SUSD2: variants seen among roughly 807,000 people sequenced by gnomAD.
SUSD2 encodes sushi domain-containing protein 2.
SUSD2 carries 86 observed loss-of-function variants against 93.8 expected under a neutral mutation model. The ratio of observed to expected loss-of-function variants is 0.92; its 90% CI spans 0.77 to 1.10. The LOEUF is 1.10. SUSD2 is among the 50% of genes least tolerant of loss of function. The pLI is 0.00. For synonymous variants in SUSD2, 483 were observed against 485.0 expected (o/e 1.00, Z 0.05); for missense variants, 1,060 against 1,137.0 (o/e 0.93, Z 0.97).
chr22:24,182,886 G>A, intron 1 of SUSD2, 171 bp from the exon 2 acceptor site: 1 of 605,492 alleles, frequency 1.7e-6, no homozygotes, highest in South Asian at 2.0e-5. Flanking sequence ...CATCCCCACG[G>A]GCCCTGTGGC....
At chr22:24,186,996 C>T (rs1056650208) in intron 10 of SUSD2, 3 of 632,968 alleles carry the variant, frequency 4.7e-6, no homozygotes, top group South Asian at 1.9e-5. Flanking sequence ...AGGGGCTGCA[C>T]CTCAGGTGCC....
At chr22:24,182,191 T>G (rs1601337817) in intron 1 of SUSD2, among the ~76,000 whole-genome samples, 1 of 152,178 alleles carries the variant, frequency 6.6e-6, no homozygotes, top group African/African-American at 2.4e-5. Context: ...ACTGGCCTCT[T>G]TTGATGGGGG....
Position 24,185,737 on chromosome 22 carries a change from G to C in SUSD2, c.1147G>C (p.Gly383Arg). The change falls in exon 8 of 15, where the codon GGC becomes CGC. Residue 383 changes from glycine to arginine, a missense_variant. By Grantham distance (125) the Gly-to-Arg change is moderately radical (BLOSUM62 -2). This residue lies in a region of SUSD2 where 973 missense variants were observed against 1,005.3 expected (regional missense o/e 0.97). Coordinates refer to ENST00000358321, the MANE Select transcript of SUSD2 (RefSeq NM_019601.4). The part of the protein sequence containing the change: ...TQLLTADSSG[G>R]STPDRGHDWG... ...GCTCCTGACAGCTGACTCCAGCGGC[G>C]GCAGCACTCCCGACCGCGGCCATGA... 4 of 1,609,618 alleles carry C rather than the reference G, an allele frequency of 2.5e-6. No homozygotes were observed. The highest frequency in any genetic ancestry group is 3.4e-6 in the Non-Finnish European group (4 of 1,178,898).
intron 11 of SUSD2, 40 bp downstream of exon 11, chr22:24,187,490 G>T (rs766781576): frequency 6.2e-7 from 1 of 1,606,880 alleles, no homozygotes; most frequent in East Asian, 2.2e-5. Context: ...CGGGGTGGGG[G>T]TTACTGGAAA....
Position 24,188,581 on chromosome 22 carries a change from A to G in SUSD2, c.*145A>G. 2 of 759,042 alleles carry G rather than the reference A, an allele frequency of 2.6e-6. No individual in the cohort carries two copies. Among genetic ancestry groups the G allele is most frequent in the South Asian group, 3.5e-5 (2 of 57,118 alleles). The allele number at this position is 759,042 out of a possible 1,614,324, so 47.0% of individuals were successfully genotyped here. A position where few individuals can be genotyped will look rare whatever the true frequency, so the allele number is the denominator to read the frequency against. On this transcript the variant is annotated 3_prime_UTR_variant, in exon 15 of 15. Coordinates refer to ENST00000358321, the MANE Select transcript of SUSD2 (RefSeq NM_019601.4). The surrounding 1 kb of genome is among the most constrained non-coding windows in gnomAD (Gnocchi z 4.7). ...TTAACCCCCTACTCTGTCATCTCAG[A>G]CCCCAGGCAGGAGGCCCAGTGTTCC...
Position 24,188,465 on chromosome 22 carries a change from C to A in SUSD2, c.*29C>A. The A allele has an allele frequency of 6.2e-7, 1 of 1,604,968 alleles. No individual in the cohort carries two copies. Among genetic ancestry groups the A allele is most frequent in the Non-Finnish European group, 8.5e-7 (1 of 1,176,958 alleles). Reference sequence around the variant, plus strand: ...GAGCAGCTTGGCTGTGAGCACCAGGCCAAGACTCCTGAGAACAGGCAGCCC... The same window carrying A: ...GAGCAGCTTGGCTGTGAGCACCAGGACAAGACTCCTGAGAACAGGCAGCCC... On this transcript the variant is annotated 3_prime_UTR_variant, in exon 15 of 15. Transcript: ENST00000358321. This position sits in a 1 kb window ranked among gnomAD's most constrained non-coding sequence, Gnocchi z 4.7.
In SUSD2 at chr22:24,188,333, AC is replaced by A; in HGVS notation, c.2444+12del. The A allele has an allele frequency of 1.9e-6, 3 of 1,605,290 alleles. No homozygotes were observed. Among genetic ancestry groups the A allele is most frequent in the Non-Finnish European group, 1.7e-6 (2 of 1,176,834 alleles). On this transcript the variant is annotated splice_region_variant and intron_variant, in intron 14 of 14. Coordinates refer to ENST00000358321, the MANE Select transcript of SUSD2 (RefSeq NM_019601.4). This position sits in a 1 kb window ranked among gnomAD's most constrained non-coding sequence, Gnocchi z 4.7. Reference sequence around the variant, plus strand: ...CGCCGCAGGAAGGGCAACACGTGAGACCCCCCAGCCCCTCTCCCAAGACCCC... The same window carrying A: ...CGCCGCAGGAAGGGCAACACGTGAGACCCCCAGCCCCTCTCCCAAGACCCC...
At chr22:24,183,682 G>A in intron 3 of SUSD2, 36 bp downstream of exon 3, 12 of 1,596,984 alleles carry the variant, frequency 7.5e-6, no homozygotes, top group South Asian at 3.3e-5. Context: ...CTGCCCCCAC[G>A]GGGACTTTCC....
chr22:24,183,679 C>T (rs1265166263), intron 3 of SUSD2, 33 bp downstream of exon 3: 2 of 1,599,432 alleles, frequency 1.3e-6, no homozygotes, highest in East Asian at 2.2e-5. Flanking sequence ...AGCCTGCCCC[C>T]ACGGGGACTT....
At position 24,184,973 on chromosome 22, in the gene SUSD2, G is replaced by A. The variant is rs774141482; in HGVS notation, c.782+33G>A. 3.7e-6 allele frequency: 6 copies of A among 1,612,118 alleles called. No homozygotes were observed. In the South Asian group the frequency reaches 4.4e-5, roughly 12 times the overall value. ...GGCATGGATGTGCAGGTGATGGCTG[G>A]AGGGCCTCGCCGCCCGAGGCCCATC... is the stretch of plus-strand genomic sequence containing the variant. On this transcript the variant is annotated intron_variant, in intron 5 of 14. Transcript: ENST00000358321.
Position 24,188,420 on chromosome 22 carries a change from G to C in SUSD2, c.2453G>C (p.Trp818Ser), listed in dbSNP as rs771458027. 3 of 1,611,000 alleles carry C rather than the reference G, an allele frequency of 1.9e-6. No homozygotes were observed. Among genetic ancestry groups the C allele is most frequent in the Admixed American group, 3.3e-5 (2 of 59,990 alleles). The change falls in exon 15 of 15, where the codon TGG becomes TCG. Residue 818 changes from tryptophan (W) to serine (S), a missense_variant. Trp to Ser is a radical substitution (Grantham distance 177, BLOSUM62 -3). Coordinates refer to ENST00000358321, the MANE Select transcript of SUSD2 (RefSeq NM_019601.4). This position sits in a 1 kb window ranked among gnomAD's most constrained non-coding sequence, Gnocchi z 4.7. ...CTGCGTTTCTGTTGCAGGCACGTCT[G>C]GGGTGCACAGCCCTGATGGGAGCAG... Reference protein sequence around the residue: ...LRRRKGNTHVWGAQP With the variant: ...LRRRKGNTHVSGAQP
rs2047344904 is a variant in SUSD2 at position 24,184,180 on chromosome 22, A to C, written c.484A>C (p.Asn162His). The change falls in exon 4 of 15, where the codon AAC (asparagine) becomes CAC (histidine). Residue 162 changes from asparagine to histidine, a missense_variant. Transcript: ENST00000358321. ...AATGATGGAGAAGAGCGAGTTGGTG[A>C]ACGAGACGCGTTGGCAATACTACGG... ...VSMMEKSELV[N>H]ETRWQYYGTA... is the part of the protein sequence containing the mutation. 1 of 1,612,918 alleles carries C rather than the reference A, an allele frequency of 6.2e-7. No individual in the cohort carries two copies. Among genetic ancestry groups the C allele is most frequent in the African/African-American group, 1.3e-5 (1 of 74,916 alleles).
rs574301187 is a variant in SUSD2 at position 24,185,517 on chromosome 22, G to T, written c.1016G>T (p.Ser339Ile). Residue 339 changes from serine (S) to isoleucine (I), a missense_variant, in exon 7 of 15, where the codon AGC becomes ATC. By Grantham distance (142) the Ser-to-Ile change is moderately radical. This residue lies in a region of SUSD2 where 973 missense variants were observed against 1,005.3 expected (regional missense o/e 0.97). Transcript: ENST00000358321. Reference protein sequence around the residue: ...TDYGCDMEQGSVCTYHPGAVH... With the variant: ...TDYGCDMEQGIVCTYHPGAVH... ...TACGGCTGTGACATGGAGCAGGGCA[G>T]CGTGTGCACCTACCACCCCGGGGCC... The T allele has an allele frequency of 3.8e-6, 6 of 1,576,036 alleles. No homozygotes were observed. The African/African-American group carries it at 8.1e-5, about 21-fold the overall frequency.
At position 24,186,027 on chromosome 22, in the gene SUSD2, G is replaced by A. The variant is rs115780132; in HGVS notation, c.1351G>A (p.Gly451Arg). Residue 451 changes from glycine (G) to arginine (R), a missense_variant, in exon 9 of 15, where the codon GGA becomes AGA. Physicochemically the swap from Gly to Arg is moderately radical, Grantham distance 125. Coordinates refer to ENST00000358321, the MANE Select transcript of SUSD2 (RefSeq NM_019601.4). The part of the protein sequence containing the change: ...YRPPRLASAF[G>R]DPHFVTFDGT... ...CACTCTCACCCTAGCCTCCGCCTTC[G>A]GAGACCCACACTTTGTGACCTTCGA... 1.6e-4 allele frequency: 259 copies of A among 1,609,052 alleles called. No homozygotes were observed. Among genetic ancestry groups the A allele is most frequent in the Middle Eastern group, 6.6e-4 (4 of 6,050 alleles).
rs866656971 is a variant in SUSD2 at position 24,185,559 on chromosome 22, C to G, written c.1058C>G (p.Ser353Cys). 6.3e-7 allele frequency: 1 copy of G among 1,590,326 alleles called. No homozygotes were observed. The highest frequency in any genetic ancestry group is 8.6e-7 in the Non-Finnish European group (1 of 1,168,706). ...CCCGGGGCCGTGCACTGTGTGCGTT[C>G]TGTGCAGGCCAGGTGAGCCCCCAGG... Reference protein sequence around the residue: ...YHPGAVHCVRSVQASLRYGSG... With the variant: ...YHPGAVHCVRCVQASLRYGSG... Residue 353 changes from serine to cysteine, a missense_variant, in exon 7 of 15, where the codon TCT (serine) becomes TGT (cysteine). Transcript: ENST00000358321.
intron 2 of SUSD2, 51 bp downstream of exon 2, chr22:24,183,318 T>A: frequency 6.4e-7 from 1 of 1,564,448 alleles, no homozygotes; most frequent in Non-Finnish European, 8.8e-7. Flanking sequence ...CCCATCCCTG[T>A]GCATGCTGAG....
chr22:24,186,129 G>T lies in SUSD2; in HGVS notation c.1453G>T (p.Ala485Ser). 6.2e-7 allele frequency: 1 copy of T among 1,611,502 alleles called. No homozygotes were observed. The highest frequency in any genetic ancestry group is 8.5e-7 in the Non-Finnish European group (1 of 1,179,104). ...AGCGCTGACCGACCTGAGGGTGCAGGCGCGGGCCCAGCCCGGGACGATGTC... is the reference window on the plus strand; with the variant it reads ...AGCGCTGACCGACCTGAGGGTGCAGTCGCGGGCCCAGCCCGGGACGATGTC... ...EAALTDLRVQ[A>S]RAQPGTMSNG... Residue 485 changes from alanine to serine, a missense_variant, in exon 9 of 15, where the codon GCG (alanine) becomes TCG (serine). Ala to Ser is a moderately conservative substitution (Grantham distance 99). Transcript: ENST00000358321.
chr22:24,184,986 C>A, intron 5 of SUSD2, 46 bp downstream of exon 5: 1 of 1,610,164 alleles, frequency 6.2e-7, no homozygotes, highest in Non-Finnish European at 8.5e-7. Context: ...GGCCTCGCCG[C>A]CCGAGGCCCA....
At position 24,188,930 on chromosome 22, in the gene SUSD2, C is replaced by T. The variant is rs775465120; in HGVS notation, c.*494C>T. 6.5e-6 allele frequency: 1 copy of T among 153,868 alleles called. No individual in the cohort carries two copies. Among genetic ancestry groups the T allele is most frequent in the Non-Finnish European group, 1.4e-5 (1 of 69,162 alleles). The allele number at this position is 153,868 out of a possible 1,614,324, so 9.5% of individuals were successfully genotyped here. A position where few individuals can be genotyped will look rare whatever the true frequency, so the allele number is the denominator to read the frequency against. On this transcript the variant is annotated 3_prime_UTR_variant, in exon 15 of 15. Coordinates refer to ENST00000358321, the MANE Select transcript of SUSD2 (RefSeq NM_019601.4). This position sits in a 1 kb window ranked among gnomAD's most constrained non-coding sequence, Gnocchi z 4.7. ...TTGGTTCCTGGACCCCTGGGCCCAT[C>T]CTGGGACCCCAGATGGGGTAAGGAG...
Sources: gnomAD v4.1 joint callset for allele counts (sites outside exome capture counted in the v4.1 genomes callset) on GRCh38, gnomAD v4.1.1 for gene constraint, gnomAD v4.1.1 regional missense constraint, Gnocchi (gnomAD v3.1) non-coding constraint, MANE v1.5 for transcripts, NCBI Gene and HGNC (gene_info 2026-07-23, HGNC 2026-07-21) for gene names.